The following WDR27 variants were observed in gnomAD, a reference collection of about 807,000 sequenced individuals.
WDR27 encodes WD repeat domain 27, also known as WD repeat-containing protein 27.
A neutral mutation model predicts 114.4 loss-of-function variants in WDR27; 100 were observed. The ratio of observed to expected loss-of-function variants is 0.87; its 90% CI spans 0.74 to 1.03. WDR27 has a LOEUF of 1.03. Ranked by LOEUF, WDR27 falls within the 50% of genes least tolerant of loss-of-function variation. The pLI is 0.00. For synonymous variants in WDR27, 449 were observed against 423.1 expected, an observed-to-expected ratio of 1.06 and a Z score of -0.75; for missense variants, 1,129 against 1,092.9, an observed-to-expected ratio of 1.03 and a Z score of -0.47.
At chr6:169,571,761 CA>C (rs1801466612) in intron 25 of WDR27, among the ~76,000 whole-genome samples, 1 of 152,092 alleles carries the variant, frequency 6.6e-6, no homozygotes, top group Admixed American at 6.5e-5. Context: ...TCACTGGAGC[CA>C]GGGGGTTTGA....
chr6:169,613,803 C>T lies in WDR27; in HGVS notation c.2224-147G>A, dbSNP rs185419900. On this transcript the variant is annotated intron_variant, in intron 21 of 25. Coordinates refer to ENST00000448612, the MANE Select transcript of WDR27 (RefSeq NM_182552.5). ...CTTGTAACAATTTCAGAATTGGACT[C>T]CAAAAACTTCTACATAAAGTAGTTA... The T allele has an allele frequency of 1.6e-4, 108 of 671,052 alleles. No homozygotes were observed. In the East Asian group the frequency reaches 3.0e-3, roughly 18 times the overall value. 41.6% of individuals were successfully genotyped at this position (671,052 alleles called of 1,614,324 possible).
chr6:169,478,096 G>A (rs150123137), intron 25 of WDR27, among the ~76,000 whole-genome samples: 42 of 152,224 alleles, frequency 2.8e-4, no homozygotes, highest in African/African-American at 9.9e-4. Flanking sequence ...CAGAAGTCAA[G>A]CCAGGGTCAG....
chr6:169,635,769 G>A (rs920703843), intron 19 of WDR27, among the ~76,000 whole-genome samples: 3 of 152,070 alleles, frequency 2.0e-5, no homozygotes, highest in African/African-American at 7.2e-5. Flanking sequence ...GATTAAGAAA[G>A]GTGTGCTCAT....
At chr6:169,617,923 G>C (rs1475092080) in intron 21 of WDR27, among the ~76,000 whole-genome samples, 1 of 152,110 alleles carries the variant, frequency 6.6e-6, no homozygotes, top group Non-Finnish European at 1.5e-5. Flanking sequence ...AAATGATTTG[G>C]GGGCTGTTCT....
intron 25 of WDR27, among the ~76,000 whole-genome samples, chr6:169,478,471 G>A (rs1278435774): frequency 6.6e-6 from 1 of 151,832 alleles, no homozygotes; most frequent in East Asian, 1.9e-4. Context: ...GGTTAAGTCG[G>A]GTGTACATGT....
In WDR27 at chr6:169,701,986, C is replaced by G; in HGVS notation, c.-443G>C. The G allele has an allele frequency of 2.4e-6, 1 of 410,012 alleles. No individual in the cohort carries two copies. Among genetic ancestry groups the G allele is most frequent in the Non-Finnish European group, 4.9e-6 (1 of 203,116 alleles). 25.4% of individuals were successfully genotyped at this position (410,012 alleles called of 1,614,324 possible). ...GAGCCACACTCCGCCCCACGCTCGC[C>G]GCTATGGTTACTTGCCAGCCGACCC... On this transcript the variant is annotated 5_prime_UTR_variant, in exon 1 of 26. Transcript: ENST00000448612.
At chr6:169,505,209 T>C (rs967683989) in intron 25 of WDR27, among the ~76,000 whole-genome samples, 3 of 152,198 alleles carry the variant, frequency 2.0e-5, no homozygotes, top group Non-Finnish European at 4.4e-5. Flanking sequence ...TAAATATTCT[T>C]AAGAACTTAG....
chr6:169,685,983 T>G (rs997727955), intron 2 of WDR27, among the ~76,000 whole-genome samples: 1 of 152,198 alleles, frequency 6.6e-6, no homozygotes, highest in East Asian at 1.9e-4. Flanking sequence ...GGAATCTCTA[T>G]TTGACTAACA....
chr6:169,659,608 CCCAGAGCCCACCACACACAGT>C lies in WDR27; in HGVS notation c.1130-111_1130-91del. The C allele has an allele frequency of 1.2e-5, 15 of 1,243,458 alleles. No individual in the cohort carries two copies. The highest frequency in any genetic ancestry group is 1.6e-5 in the Non-Finnish European group (14 of 874,754). 77.0% of individuals were successfully genotyped at this position (1,243,458 alleles called of 1,614,324 possible). ...ACTGCCCAGAGCCCACCACACACAGCCCAGAGCCCACCACACACAGTCCAGGCCCCACCACACACTTTGCAG... is the reference window on the plus strand; with the variant it reads ...ACTGCCCAGAGCCCACCACACACAGCCCAGGCCCCACCACACACTTTGCAG... On this transcript the variant is annotated intron_variant, in intron 10 of 25. Transcript: ENST00000448612. The surrounding 1 kb of genome is among the most constrained non-coding windows in gnomAD (Gnocchi z 4.3).
At chr6:169,462,082 A>G (rs1374599771) in intron 25 of WDR27, among the ~76,000 whole-genome samples, 2 of 152,088 alleles carry the variant, frequency 1.3e-5, no homozygotes, top group Non-Finnish European at 2.9e-5. Context: ...CCAAGACTGA[A>G]TCACAAAATT....
intron 25 of WDR27, among the ~76,000 whole-genome samples, chr6:169,498,764 A>G (rs1790718406): frequency 6.6e-6 from 1 of 152,224 alleles, no homozygotes; most frequent in East Asian, 1.9e-4. Flanking sequence ...TTTACATGAC[A>G]TTCTTAACAA....
intron 25 of WDR27, among the ~76,000 whole-genome samples, chr6:169,499,951 C>G (rs1321172296): frequency 6.6e-6 from 1 of 152,154 alleles, no homozygotes; most frequent in Non-Finnish European, 1.5e-5. Context: ...GTCCGGGGGA[C>G]CTGAGGGCTC....
intron 23 of WDR27, among the ~76,000 whole-genome samples, chr6:169,587,964 G>A (rs1326144461): frequency 6.6e-6 from 1 of 152,190 alleles, no homozygotes; most frequent in Non-Finnish European, 1.5e-5. Context: ...TGCTTCTTGG[G>A]AGAAGGTTCA....
intron 2 of WDR27, among the ~76,000 whole-genome samples, chr6:169,676,566 C>G: frequency 6.6e-6 from 1 of 152,172 alleles, no homozygotes; most frequent in South Asian, 2.1e-4. Context: ...CACTAAGACT[C>G]TGGCACTTTT....
At chr6:169,692,763 A>G (rs1359862574) in intron 1 of WDR27, among the ~76,000 whole-genome samples, 3 of 152,168 alleles carry the variant, frequency 2.0e-5, no homozygotes, top group Non-Finnish European at 4.4e-5. Flanking sequence ...CGTCTCCCAC[A>G]GCAGCTGCAG....
intron 25 of WDR27, among the ~76,000 whole-genome samples, chr6:169,565,104 G>A (rs909235875): frequency 6.6e-6 from 1 of 152,134 alleles, no homozygotes; most frequent in Non-Finnish European, 1.5e-5. Context: ...GTGCAGTCCC[G>A]CCACCTTGCT....
At chr6:169,665,616 G>A in intron 6 of WDR27, 60 bp from the exon 7 acceptor site, 2 of 1,497,432 alleles carry the variant, frequency 1.3e-6, no homozygotes, top group Non-Finnish European at 1.8e-6. Flanking sequence ...ATTAACCCGA[G>A]AACTGTCAGT....
chr6:169,426,971 A>T, the WDR27 span: 4 of 136,884 alleles, frequency 2.9e-5, no homozygotes, highest in East Asian at 9.6e-4. Flanking sequence ...TGGTGGGGGC[A>T]GTGGGGGGGG....
chr6:169,624,199 C>T (rs9396986), intron 21 of WDR27, among the ~76,000 whole-genome samples: 14 of 148,452 alleles, frequency 9.4e-5, no homozygotes, highest in Admixed American at 6.0e-4. Flanking sequence ...ATCAGGTGTG[C>T]GGCATGTGGC....
Sources: allele counts gnomAD v4.1 joint callset (sites outside exome capture counted in the v4.1 genomes callset), GRCh38; gene constraint gnomAD v4.1.1; non-coding constraint Gnocchi (gnomAD v3.1); transcripts MANE v1.5; gene names NCBI Gene and HGNC (gene_info 2026-07-23, HGNC 2026-07-21).